SPTLC3: variants seen among roughly 807,000 people sequenced by gnomAD.
The protein encoded by SPTLC3 is serine palmitoyltransferase 3.
In SPTLC3, 36 loss-of-function variants were observed where a neutral mutation model predicts 59.3. That is an observed-to-expected ratio of 0.61 (90% confidence interval 0.47 to 0.80). The LOEUF is 0.80. Ranked by LOEUF, SPTLC3 falls within the 30% of genes least tolerant of loss-of-function variation. The pLI is 0.00. For synonymous variants in SPTLC3, 257 were observed against 240.8 expected (o/e 1.07, Z -0.62); for missense variants, 625 against 685.1 (o/e 0.91, Z 0.98).
intron 2 of SPTLC3, among the ~76,000 whole-genome samples, chr20:13,051,985 A>G (rs538216281): frequency 6.6e-6 from 1 of 152,128 alleles, no homozygotes; most frequent in Non-Finnish European, 1.5e-5. Context: ...AAAGAGCACA[A>G]ATAGACACTG....
At chr20:13,077,615 A>G (rs1988692525) in intron 4 of SPTLC3, among the ~76,000 whole-genome samples, 1 of 152,188 alleles carries the variant, frequency 6.6e-6, no homozygotes, top group Non-Finnish European at 1.5e-5. Context: ...TTGTGTACAT[A>G]GAGGAAAATA....
intron 7 of SPTLC3, among the ~76,000 whole-genome samples, chr20:13,116,779 T>C (rs982937487): frequency 1.3e-5 from 2 of 152,330 alleles, no homozygotes; most frequent in Admixed American, 1.3e-4. Flanking sequence ...CAGCATCTCC[T>C]GGGAGCTTGG....
At chr20:13,058,017 A>G (rs1987797387) in intron 2 of SPTLC3, among the ~76,000 whole-genome samples, 1 of 152,186 alleles carries the variant, frequency 6.6e-6, no homozygotes, top group Admixed American at 6.5e-5. Flanking sequence ...ATCCGATATA[A>G]CATGGCACCA....
chr20:13,132,415 A>G (rs552590963), intron 9 of SPTLC3, among the ~76,000 whole-genome samples: 1 of 152,108 alleles, frequency 6.6e-6, no homozygotes, highest in Admixed American at 6.5e-5. Flanking sequence ...GACCTCAAGT[A>G]GTCCACCCAC....
chr20:13,060,770 A>G (rs974549292), intron 2 of SPTLC3, among the ~76,000 whole-genome samples: 2 of 147,530 alleles, frequency 1.4e-5, no homozygotes, highest in Admixed American at 1.4e-4. Context: ...CTGTTGCTGC[A>G]AAAGACATAA....
chr20:13,140,789 A>G (rs1267802193), intron 9 of SPTLC3, among the ~76,000 whole-genome samples: 1 of 152,214 alleles, frequency 6.6e-6, no homozygotes, highest in Admixed American at 6.5e-5. Context: ...AGAAAAGATA[A>G]AGGAAAAAAG....
intron 1 of SPTLC3, among the ~76,000 whole-genome samples, chr20:13,041,454 T>C (rs1475362115): frequency 3.3e-5 from 5 of 152,160 alleles, no homozygotes; most frequent in Non-Finnish European, 7.4e-5. Context: ...GTTCTTTTTA[T>C]TGTAATTTCT....
chr20:13,164,179 T>C (rs1256838276), intron 11 of SPTLC3, among the ~76,000 whole-genome samples: 1 of 152,172 alleles, frequency 6.6e-6, no homozygotes, highest in African/African-American at 2.4e-5. Flanking sequence ...GGGGGATACA[T>C]GTACCCACCT....
In SPTLC3 at chr20:13,112,759, C is replaced by A. The variant is rs148200598; in HGVS notation, c.932+2542C>A. ...GGTAACAGGGCATCTCTTTGACAAG[C>A]CTCAATCGCTCTTGGGGGCTTCAAT... On this transcript the variant is annotated intron_variant, in intron 7 of 11. Coordinates refer to ENST00000399002, the MANE Select transcript of SPTLC3 (RefSeq NM_018327.4). Among the ~76,000 whole-genome samples, 9 of 152,296 alleles carry A rather than the reference C, an allele frequency of 5.9e-5. No homozygotes were observed. The East Asian group carries it at 1.7e-3, about 29-fold the overall frequency.
At chr20:13,100,750 T>C (rs913219171) in intron 6 of SPTLC3, among the ~76,000 whole-genome samples, 3 of 152,252 alleles carry the variant, frequency 2.0e-5, no homozygotes, top group African/African-American at 7.2e-5. Flanking sequence ...GCAACCCAGA[T>C]ACAGAGTTCT....
intron 9 of SPTLC3, among the ~76,000 whole-genome samples, chr20:13,150,770 C>T (rs2038623669): frequency 6.6e-6 from 1 of 152,176 alleles, no homozygotes; most frequent in African/African-American, 2.4e-5. Context: ...CCACATCTTG[C>T]CTTGTTCACA....
At chr20:13,058,025 C>G (rs567293828) in intron 2 of SPTLC3, among the ~76,000 whole-genome samples, 2 of 152,106 alleles carry the variant, frequency 1.3e-5, no homozygotes, top group African/African-American at 4.8e-5. Flanking sequence ...TAACATGGCA[C>G]CAATGGTAAT....
intron 6 of SPTLC3, among the ~76,000 whole-genome samples, chr20:13,108,258 A>G (rs1990017446): frequency 6.6e-6 from 1 of 152,224 alleles, no homozygotes; most frequent in Non-Finnish European, 1.5e-5. Flanking sequence ...GATAATTAAA[A>G]AGAAACACAC....
chr20:13,093,438 G>T (rs1327771304), intron 5 of SPTLC3, 46 bp from the exon 6 acceptor site: 1 of 1,566,992 alleles, frequency 6.4e-7, no homozygotes, highest in South Asian at 1.1e-5. Flanking sequence ...GTTTTTCCTT[G>T]GTTTTATTTA....
chr20:13,105,388 C>CG (rs1384073955), intron 6 of SPTLC3, among the ~76,000 whole-genome samples: 1 of 152,170 alleles, frequency 6.6e-6, no homozygotes, highest in Non-Finnish European at 1.5e-5. Flanking sequence ...TCAAACACAA[C>CG]GAAGTCCCTG....
At chr20:13,068,480 C>G (rs992793368) in intron 2 of SPTLC3, among the ~76,000 whole-genome samples, 1 of 152,174 alleles carries the variant, frequency 6.6e-6, no homozygotes, top group Admixed American at 6.5e-5. Context: ...GGACATTGAC[C>G]TTTGGAAGGC....
At chr20:13,143,210 G>A (rs1484280701) in intron 9 of SPTLC3, among the ~76,000 whole-genome samples, 1 of 152,194 alleles carries the variant, frequency 6.6e-6, no homozygotes, top group East Asian at 1.9e-4. Context: ...TTGGCTGTAG[G>A]TGCCGCAGGT....
chr20:13,072,533 T>C (rs1371202890), intron 3 of SPTLC3, 123 bp downstream of exon 3: 2 of 1,113,122 alleles, frequency 1.8e-6, no homozygotes, highest in South Asian at 1.8e-5. Context: ...GTATCATTTA[T>C]GCCTTTGCAA....
chr20:13,067,044 C>CATATATATAT (rs143918659), intron 2 of SPTLC3, among the ~76,000 whole-genome samples: 4 of 71,134 alleles, frequency 5.6e-5, no homozygotes, highest in Admixed American at 1.8e-4. Context: ...GTCACTTCTA[C>CATATATATAT]ATATATATAT....
Sources: gnomAD v4.1 joint callset for allele counts (sites outside exome capture counted in the v4.1 genomes callset) on GRCh38, gnomAD v4.1.1 for gene constraint, MANE v1.5 for transcripts, NCBI Gene and HGNC (gene_info 2026-07-23, HGNC 2026-07-21) for gene names.